Variants in ADIPOR2 observed in about 807,000 individuals in gnomAD.
ADIPOR2 encodes adiponectin receptor protein 2.
A neutral mutation model predicts 40.9 loss-of-function variants in ADIPOR2; 18 were observed. The observed-to-expected ratio is 0.44, with a 90% CI of 0.30 to 0.65. ADIPOR2 has a LOEUF of 0.65. Ranked by LOEUF, ADIPOR2 falls within the 30% of genes least tolerant of loss-of-function variation. The pLI, the probability that ADIPOR2 is intolerant of heterozygous loss-of-function variation, is 0.09. For missense variants in ADIPOR2, 283 were observed against 479.2 expected (o/e 0.59, Z 3.82); for synonymous variants, 165 against 166.4 (o/e 0.99, Z 0.06).
At chr12:1,756,620 G>T (rs1181713862) in intron 2 of ADIPOR2, among the ~76,000 whole-genome samples, 1 of 151,986 alleles carries the variant, frequency 6.6e-6, no homozygotes, top group Admixed American at 6.6e-5. Flanking sequence ...TGCCTGGCAC[G>T]TGGGCAGCTT....
chr12:1,755,602 T>G (rs1050202381), intron 2 of ADIPOR2, among the ~76,000 whole-genome samples: 2 of 152,252 alleles, frequency 1.3e-5, no homozygotes, highest in Non-Finnish European at 1.5e-5. Context: ...CAGATTTTAT[T>G]CTTTCATTTC....
intron 1 of ADIPOR2, among the ~76,000 whole-genome samples, chr12:1,738,389 A>T (rs192278292): frequency 1.6e-4 from 24 of 152,142 alleles, no homozygotes; most frequent in Non-Finnish European, 2.4e-4. Flanking sequence ...CTCAAAAAAA[A>T]TTTTTAGTAG....
chr12:1,741,231 T>C (rs1230397345), intron 1 of ADIPOR2, among the ~76,000 whole-genome samples: 1 of 152,120 alleles, frequency 6.6e-6, no homozygotes, highest in African/African-American at 2.4e-5. Flanking sequence ...AAGAGCACTT[T>C]GGCTGCTAAA....
At chr12:1,735,622 C>A (rs1201123329) in intron 1 of ADIPOR2, among the ~76,000 whole-genome samples, 5 of 152,308 alleles carry the variant, frequency 3.3e-5, no homozygotes, top group African/African-American at 7.2e-5. Flanking sequence ...GCCAGAACTT[C>A]CAACACTATG....
At chr12:1,783,813 T>A in intron 6 of ADIPOR2, 67 bp from the exon 7 acceptor site, 2 of 1,315,152 alleles carry the variant, frequency 1.5e-6, no homozygotes, top group Middle Eastern at 1.9e-4. Context: ...GGTGCTGTGC[T>A]GTAATACTGA....
intron 2 of ADIPOR2, chr12:1,758,077 T>C (rs1862182443): frequency 3.4e-6 from 2 of 588,064 alleles, no homozygotes; most frequent in Non-Finnish European, 6.1e-6. Flanking sequence ...CCAATCACTT[T>C]TGTGTCAGAT....
At chr12:1,747,051 G>GC (rs111266190) in intron 1 of ADIPOR2, among the ~76,000 whole-genome samples, 4,071 of 116,100 alleles carry the variant, frequency 0.035, 205 homozygotes, top group African/African-American at 0.12. Context: ...TAACTCCACT[G>GC]CCCCCCCCCA....
intron 2 of ADIPOR2, among the ~76,000 whole-genome samples, 191 bp downstream of exon 2, chr12:1,754,705 C>CTAT (rs1862080999): frequency 3.1e-5 from 2 of 64,118 alleles, no homozygotes. Context: ...ATTATTACTA[C>CTAT]TACTACTACT....
chr12:1,702,422 A>G lies in ADIPOR2; in HGVS notation c.-87+11231A>G, dbSNP rs115414690. 4.3e-3 allele frequency among the ~76,000 whole-genome samples: 661 copies of G among 152,254 alleles called. 5 individuals carry two copies. The highest frequency in any genetic ancestry group is 0.015 in the African/African-American group (630 of 41,548). ...ACTTTGCATATTTTAGCACTAGAGT[A>G]TGAGAATTTGCCATCTTCCGATTGT... On this transcript the variant is annotated intron_variant, in intron 1 of 7. Transcript: ENST00000357103.
chr12:1,723,707 A>G (rs895729274), intron 1 of ADIPOR2, among the ~76,000 whole-genome samples: 1 of 152,074 alleles, frequency 6.6e-6, no homozygotes, highest in South Asian at 2.1e-4. Context: ...AAACTGCAAA[A>G]AAGCCAATCC....
intron 2 of ADIPOR2, among the ~76,000 whole-genome samples, chr12:1,771,450 C>T (rs972624007): frequency 2.0e-5 from 3 of 150,720 alleles, no homozygotes; most frequent in Non-Finnish European, 4.4e-5. Flanking sequence ...TTGAGGAACA[C>T]GAGTTTAGGA....
At chr12:1,699,575 C>T (rs1193997028) in intron 1 of ADIPOR2, among the ~76,000 whole-genome samples, 4 of 152,206 alleles carry the variant, frequency 2.6e-5, no homozygotes, top group African/African-American at 7.2e-5. Flanking sequence ...CACTTGAACC[C>T]GGGAGGCAGA....
chr12:1,774,280 CAAAT>C (rs1444512106), intron 3 of ADIPOR2, among the ~76,000 whole-genome samples: 2 of 152,128 alleles, frequency 1.3e-5, no homozygotes, highest in African/African-American at 4.8e-5. Flanking sequence ...AAGAATAAAA[CAAAT>C]AAAACTCTAA....
chr12:1,740,554 A>C (rs1437198242), intron 1 of ADIPOR2, among the ~76,000 whole-genome samples: 1 of 152,172 alleles, frequency 6.6e-6, no homozygotes, highest in Non-Finnish European at 1.5e-5. Context: ...TCTATTTCCA[A>C]ATACAGTCTC....
intron 2 of ADIPOR2, among the ~76,000 whole-genome samples, chr12:1,764,588 C>CACACACACACACACACACACAT (rs1555170937): frequency 7.1e-6 from 1 of 139,920 alleles, no homozygotes; most frequent in African/African-American, 2.5e-5. Flanking sequence ...CACACACACA[C>CACACACACACACACACACACAT]ACGTAGATAT....
intron 1 of ADIPOR2, among the ~76,000 whole-genome samples, chr12:1,729,866 G>A (rs1329080641): frequency 6.6e-6 from 1 of 151,990 alleles, no homozygotes; most frequent in African/African-American, 2.4e-5. Context: ...CACAAAACTT[G>A]GCACATAGTA....
Position 1,786,399 on chromosome 12 carries a change from T to C in ADIPOR2, c.*327T>C. The C allele has an allele frequency of 4.2e-6, 1 of 239,244 alleles. No individual in the cohort carries two copies. The highest frequency in any genetic ancestry group is 8.1e-6 in the Non-Finnish European group (1 of 123,038). The allele number at this position is 239,244 out of a possible 1,614,324, so 14.8% of individuals were successfully genotyped here. On this transcript the variant is annotated 3_prime_UTR_variant, in exon 8 of 8. Coordinates refer to ENST00000357103, the MANE Select transcript of ADIPOR2 (RefSeq NM_024551.3). ...CCATATCATATTTATTTGTAGAAGA[T>C]GGCGAAACAGTTTAGCTGGTGGTTC... is the stretch of plus-strand genomic sequence containing the variant.
At chr12:1,726,523 A>T (rs2094708352) in intron 1 of ADIPOR2, among the ~76,000 whole-genome samples, 1 of 152,168 alleles carries the variant, frequency 6.6e-6, no homozygotes, top group Admixed American at 6.5e-5. Context: ...AATTTTCCAT[A>T]GATTTCCCAT....
chr12:1,715,957 C>T lies in ADIPOR2; in HGVS notation c.-87+24766C>T, dbSNP rs548521668. 3.9e-5 allele frequency among the ~76,000 whole-genome samples: 6 copies of T among 152,200 alleles called. No homozygotes were observed. The East Asian group carries it at 5.8e-4, about 15-fold the overall frequency. On this transcript the variant is annotated intron_variant, in intron 1 of 7. Transcript: ENST00000357103. ...AAAAGCTGGCCACCCCAGCCAGCAG[C>T]GGCAACCTGGTCGGGTCTCCTTCCA... is the stretch of plus-strand genomic sequence containing the variant.
Sources: gnomAD v4.1 joint callset for allele counts (sites outside exome capture counted in the v4.1 genomes callset) on GRCh38, gnomAD v4.1.1 for gene constraint, MANE v1.5 for transcripts, NCBI Gene and HGNC (gene_info 2026-07-23, HGNC 2026-07-21) for gene names.